Variants in DCDC2C observed in about 807,000 individuals in gnomAD.
The protein encoded by DCDC2C is doublecortin domain-containing protein 2C.
Under a neutral mutation model 45.0 loss-of-function variants are expected in DCDC2C, and 44 were observed. That is an observed-to-expected ratio of 0.98 (90% CI 0.77 to 1.26). The LOEUF is 1.26. Ranked by LOEUF, DCDC2C falls within the 50% of genes most tolerant of loss-of-function variation. The pLI is 0.00. For missense variants in DCDC2C, 447 were observed against 468.9 expected (o/e 0.95, Z 0.43); for synonymous variants, 187 against 178.8 (o/e 1.05, Z -0.37).
chr2:3,715,064 A>C (rs895622372), intron 2 of DCDC2C, among the ~76,000 whole-genome samples: 6 of 152,224 alleles, frequency 3.9e-5, no homozygotes, highest in Non-Finnish European at 7.3e-5. Flanking sequence ...ATATACCTAC[A>C]TACATGTATA....
At chr2:3,840,331 G>T (rs1672182181) in intron 10 of DCDC2C, among the ~76,000 whole-genome samples, 1 of 152,210 alleles carries the variant, frequency 6.6e-6, no homozygotes, top group Non-Finnish European at 1.5e-5. Context: ...TAGAGCAGAG[G>T]AAATGCCACT....
intron 10 of DCDC2C, among the ~76,000 whole-genome samples, chr2:3,827,613 A>G (rs1184225115): frequency 1.3e-5 from 2 of 152,168 alleles, no homozygotes; most frequent in Non-Finnish European, 2.9e-5. Flanking sequence ...GGGGAAATAT[A>G]CTTTCCATTG....
intron 8 of DCDC2C, 98 bp downstream of exon 8, chr2:3,769,509 C>G: frequency 9.4e-7 from 1 of 1,059,092 alleles, no homozygotes; most frequent in South Asian, 1.4e-5. Flanking sequence ...TGCAAATTCT[C>G]TCTGGACTCT....
At chr2:3,754,129 G>A (rs1669618219) in intron 5 of DCDC2C, among the ~76,000 whole-genome samples, 1 of 152,200 alleles carries the variant, frequency 6.6e-6, no homozygotes, top group Admixed American at 6.5e-5. Context: ...CCTTGCCGAA[G>A]TTGTTGAGTT....
At chr2:3,777,571 T>C (rs1670379028) in intron 8 of DCDC2C, among the ~76,000 whole-genome samples, 1 of 152,228 alleles carries the variant, frequency 6.6e-6, no homozygotes, top group Non-Finnish European at 1.5e-5. Flanking sequence ...TAAAATAATG[T>C]GTTTTTACAA....
chr2:3,836,650 C>A (rs745730866), intron 10 of DCDC2C, among the ~76,000 whole-genome samples: 4 of 152,092 alleles, frequency 2.6e-5, no homozygotes, highest in Non-Finnish European at 5.9e-5. Context: ...ACCACAAGGT[C>A]AGGAGATTGA....
intron 10 of DCDC2C, among the ~76,000 whole-genome samples, chr2:3,823,717 T>G (rs1671747900): frequency 6.6e-6 from 1 of 152,260 alleles, no homozygotes; most frequent in South Asian, 2.1e-4. Flanking sequence ...TCAATGTTAT[T>G]CCCATTGACT....
At chr2:3,751,464 T>G (rs902814955) in intron 4 of DCDC2C, among the ~76,000 whole-genome samples, 1 of 152,176 alleles carries the variant, frequency 6.6e-6, no homozygotes, top group African/African-American at 2.4e-5. Context: ...TCTTGACGCC[T>G]CCAGGGTCGG....
At chr2:3,790,875 A>C (rs1416854609) in intron 10 of DCDC2C, among the ~76,000 whole-genome samples, 5 of 152,132 alleles carry the variant, frequency 3.3e-5, no homozygotes, top group Non-Finnish European at 7.4e-5. Flanking sequence ...TTGGGAGGCC[A>C]AGGAGGACAG....
intron 2 of DCDC2C, among the ~76,000 whole-genome samples, chr2:3,724,264 G>A (rs551861158): frequency 6.6e-5 from 10 of 152,152 alleles, no homozygotes; most frequent in Non-Finnish European, 1.3e-4. Context: ...CGTCTGCCAG[G>A]CTGCTTCTGA....
chr2:3,763,192 T>C (rs1669929461), intron 6 of DCDC2C, among the ~76,000 whole-genome samples: 1 of 152,180 alleles, frequency 6.6e-6, no homozygotes, highest in Admixed American at 6.5e-5. Flanking sequence ...GGCATTTGGA[T>C]GAGCACTGGC....
At position 3,724,255 on chromosome 2, in the gene DCDC2C, G is replaced by T. The variant is rs376038216; in HGVS notation, c.340-2748G>T. Among the ~76,000 whole-genome samples, 14 of 152,278 alleles carry T rather than the reference G, an allele frequency of 9.2e-5. No homozygotes were observed. The East Asian group carries it at 2.7e-3, about 29-fold the overall frequency. ...CAATTCCAAAGCCTGGGGTCTTCCCGTCTGCCAGGCTGCTTCTGAGATTCA... is the reference window on the plus strand; with the variant it reads ...CAATTCCAAAGCCTGGGGTCTTCCCTTCTGCCAGGCTGCTTCTGAGATTCA... On this transcript the variant is annotated intron_variant, in intron 2 of 10. Coordinates refer to ENST00000399143, the MANE Select transcript of DCDC2C (RefSeq NM_001287444.2).
At chr2:3,716,810 T>C (rs1284970721) in intron 2 of DCDC2C, among the ~76,000 whole-genome samples, 2 of 152,216 alleles carry the variant, frequency 1.3e-5, no homozygotes, top group East Asian at 3.9e-4. Flanking sequence ...GTGTGGCCTT[T>C]TGCATGTGGT....
At chr2:3,719,886 C>T (rs1359383955) in intron 2 of DCDC2C, among the ~76,000 whole-genome samples, 2 of 152,232 alleles carry the variant, frequency 1.3e-5, no homozygotes, top group Non-Finnish European at 2.9e-5. Flanking sequence ...GAGAATAGCT[C>T]AGAGCTCTGG....
chr2:3,720,696 A>T (rs1216841622), intron 2 of DCDC2C, among the ~76,000 whole-genome samples: 1 of 152,174 alleles, frequency 6.6e-6, no homozygotes, highest in Non-Finnish European at 1.5e-5. Context: ...AATATTATGA[A>T]TTACATGAAT....
chr2:3,766,310 G>GCGCACACACA (rs1553275847), intron 6 of DCDC2C, among the ~76,000 whole-genome samples: 3 of 146,070 alleles, frequency 2.1e-5, no homozygotes, highest in African/African-American at 7.5e-5. Flanking sequence ...ACACACACAC[G>GCGCACACACA]CACACACACA....
intron 2 of DCDC2C, among the ~76,000 whole-genome samples, chr2:3,708,988 C>T (rs1245513443): frequency 6.6e-6 from 1 of 152,242 alleles, no homozygotes; most frequent in Non-Finnish European, 1.5e-5. Context: ...AAGTGCTCAA[C>T]ATTTTTGTAC....
chr2:3,817,902 G>T (rs910580549), intron 10 of DCDC2C, among the ~76,000 whole-genome samples: 19 of 152,152 alleles, frequency 1.2e-4, no homozygotes, highest in African/African-American at 4.6e-4. Flanking sequence ...GGTACCCAAA[G>T]GTGGAAGTAC....
chr2:3,816,830 G>A (rs1671570301), intron 10 of DCDC2C, among the ~76,000 whole-genome samples: 1 of 152,162 alleles, frequency 6.6e-6, no homozygotes. Flanking sequence ...AAGGAAGGGG[G>A]CCTGAATAAT....
Sources: allele counts gnomAD v4.1 joint callset (sites outside exome capture counted in the v4.1 genomes callset), GRCh38; gene constraint gnomAD v4.1.1; transcripts MANE v1.5; gene names NCBI Gene and HGNC (gene_info 2026-07-23, HGNC 2026-07-21).